The following SLC13A4 variants were observed in gnomAD, a reference collection of about 807,000 sequenced individuals.
The protein encoded by SLC13A4 is solute carrier family 13 member 4.
A neutral mutation model predicts 72.7 loss-of-function variants in SLC13A4; 28 were observed. The observed-to-expected ratio is 0.39, with a 90% CI of 0.29 to 0.53. The LOEUF (loss-of-function observed/expected upper bound fraction) is 0.53, where lower values mean the gene tolerates loss of function less well. Ranked by LOEUF, SLC13A4 falls within the 20% of genes least tolerant of loss-of-function variation. SLC13A4 has a pLI of 0.78. For synonymous variants in SLC13A4, 312 were observed against 325.5 expected, an observed-to-expected ratio of 0.96 and a Z score of 0.45; for missense variants, 653 against 788.0, an observed-to-expected ratio of 0.83 and a Z score of 2.05.
intron 3 of SLC13A4, 78 bp from the exon 4 acceptor site, chr7:135,706,378 C>CGGGT (rs1796163011): frequency 6.9e-7 from 1 of 1,454,016 alleles, no homozygotes; most frequent in African/African-American, 1.4e-5. Context: ...CTCCTACCAA[C>CGGGT]CTGCTGGGGC....
intron 13 of SLC13A4, chr7:135,688,917 C>T (rs1395510993): frequency 6.6e-6 from 1 of 151,408 alleles, no homozygotes; most frequent in African/African-American, 2.4e-5. Context: ...ATAGGGTCTC[C>T]CTCTGTCTCC....
At chr7:135,683,607 G>A (rs554772116) in intron 15 of SLC13A4, 1 of 985,396 alleles carries the variant, frequency 1.0e-6, no homozygotes, top group African/African-American at 1.7e-5. Context: ...GAGCCCAGCT[G>A]AAAATGAAAA....
At chr7:135,706,496 T>C (rs915840985) in intron 3 of SLC13A4, among the ~76,000 whole-genome samples, 196 bp from the exon 4 acceptor site, 2 of 152,246 alleles carry the variant, frequency 1.3e-5, no homozygotes, top group African/African-American at 4.8e-5. Context: ...CAATACTTCT[T>C]GAATGAATGA....
chr7:135,725,659 T>C (rs1274499639), intron 1 of SLC13A4, among the ~76,000 whole-genome samples: 1 of 152,040 alleles, frequency 6.6e-6, no homozygotes, highest in African/African-American at 2.4e-5. Context: ...ATTTTAAGGG[T>C]TAAATATCAG....
rs777792554 is a variant in SLC13A4, at chr7:135,685,722, A to C, written c.1447-39T>G. 2.0e-5 allele frequency: 32 copies of C among 1,566,900 alleles called. No individual in the cohort carries two copies. The East Asian group carries it at 6.3e-4, about 31-fold the overall frequency. On this transcript the variant is annotated intron_variant, in intron 13 of 15. Coordinates refer to ENST00000682651, the MANE Select transcript of SLC13A4 (RefSeq NM_001318192.2). ...TGTTACAGTAAGAAGAAAGGAGAAG[A>C]AGCACATCCCAGCTAGAGATCTTAG...
In SLC13A4 at chr7:135,687,724, A is replaced by T. The variant is rs138600364; in HGVS notation, c.1447-2041T>A. Among the ~76,000 whole-genome samples the T allele has an allele frequency of 2.0e-5, 3 of 152,336 alleles. No individual in the cohort carries two copies. The East Asian group carries it at 5.8e-4, about 29-fold the overall frequency. ...TGGACAGAGGCAGGGGAGGAACAGC[A>T]GTTAGTTGAATGGAAATGGTACATT... On this transcript the variant is annotated intron_variant, in intron 13 of 15. Transcript: ENST00000682651.
Position 135,719,811 on chromosome 7 carries a change from G to A in SLC13A4, c.228+1584C>T, listed in dbSNP as rs866931452. Among the ~76,000 whole-genome samples, 565 of 143,718 alleles carry A rather than the reference G, an allele frequency of 3.9e-3. 2 individuals are homozygous for A. Among genetic ancestry groups the A allele is most frequent in the South Asian group, 0.028 (131 of 4,708 alleles). 94.3% of individuals were successfully genotyped at this position (143,718 alleles called of 152,430 possible). On this transcript the variant is annotated intron_variant, in intron 2 of 15. Transcript: ENST00000682651. ...TGTGTGTGTGTGTGTGTATGTGTGT[G>A]TGTGTGTGTGTGTGTGTATAGCCAC...
At chr7:135,696,109 G>A (rs931048693) in intron 8 of SLC13A4, among the ~76,000 whole-genome samples, 4 of 152,132 alleles carry the variant, frequency 2.6e-5, no homozygotes, top group Non-Finnish European at 5.9e-5. Flanking sequence ...TGGACCACGC[G>A]AGAGCTGTGG....
At chr7:135,713,735 G>A (rs1796355799) in intron 2 of SLC13A4, among the ~76,000 whole-genome samples, 1 of 152,098 alleles carries the variant, frequency 6.6e-6, no homozygotes, top group African/African-American at 2.4e-5. Flanking sequence ...CCACCATTGT[G>A]TCCGGCTAAT....
rs544032061 is a variant in SLC13A4 at position 135,715,198 on chromosome 7, AGT to A, written c.228+6195_228+6196del. 2.0e-3 allele frequency among the ~76,000 whole-genome samples: 300 copies of A among 146,720 alleles called. 1 individual carries two copies. The highest frequency in any genetic ancestry group is 7.2e-3 in the African/African-American group (284 of 39,412). On this transcript the variant is annotated intron_variant, in intron 2 of 15. Coordinates refer to ENST00000682651, the MANE Select transcript of SLC13A4 (RefSeq NM_001318192.2). ...GTATATGGGTATATAAGTGTGTATGAGTGTATGTGTGCATGAGTGTGTATATG... is the reference window on the plus strand; with the variant it reads ...GTATATGGGTATATAAGTGTGTATGAGTATGTGTGCATGAGTGTGTATATG...
At chr7:135,715,028 GTGAA>G (rs970256842) in intron 2 of SLC13A4, among the ~76,000 whole-genome samples, 7 of 151,648 alleles carry the variant, frequency 4.6e-5, no homozygotes, top group Non-Finnish European at 7.4e-5. Flanking sequence ...ATATGTGAGT[GTGAA>G]TGTGTGTGAG....
intron 8 of SLC13A4, among the ~76,000 whole-genome samples, chr7:135,695,794 G>C (rs1795890287): frequency 6.6e-6 from 1 of 152,198 alleles, no homozygotes; most frequent in Admixed American, 6.5e-5. Flanking sequence ...ATTCTGCTAA[G>C]TTTATTCATC....
At chr7:135,708,581 AAC>A (rs1015516216) in intron 2 of SLC13A4, among the ~76,000 whole-genome samples, 5 of 152,324 alleles carry the variant, frequency 3.3e-5, no homozygotes, top group Non-Finnish European at 7.3e-5. Context: ...TTAAAGAATA[AAC>A]ACATATAATT....
chr7:135,690,769 T>A (rs531001151), intron 13 of SLC13A4, among the ~76,000 whole-genome samples: 1 of 152,334 alleles, frequency 6.6e-6, no homozygotes, highest in South Asian at 2.1e-4. Flanking sequence ...ATTGTTTCCC[T>A]TCCCAGGGAC....
intron 2 of SLC13A4, among the ~76,000 whole-genome samples, chr7:135,718,143 A>G (rs1483458137): frequency 7.0e-6 from 1 of 143,086 alleles, no homozygotes; most frequent in East Asian, 2.1e-4. Context: ...TTCTCTGGAG[A>G]AACTGCAGAA....
intron 8 of SLC13A4, among the ~76,000 whole-genome samples, chr7:135,697,394 C>T (rs1036581556): frequency 1.3e-5 from 2 of 152,192 alleles, no homozygotes; most frequent in East Asian, 1.9e-4. Context: ...GAGGCAGACA[C>T]GGCCTTTCCC....
intron 2 of SLC13A4, among the ~76,000 whole-genome samples, chr7:135,708,613 TA>T (rs1457320537): frequency 1.1e-4 from 17 of 152,196 alleles, no homozygotes; most frequent in South Asian, 2.1e-4. Context: ...TCTTTTAAAA[TA>T]ACCCTAGGTT....
At chr7:135,715,359 GTGTA>G (rs927340122) in intron 2 of SLC13A4, among the ~76,000 whole-genome samples, 1 of 130,262 alleles carries the variant, frequency 7.7e-6, no homozygotes, top group African/African-American at 3.1e-5. Context: ...GTGTGTATGA[GTGTA>G]TGTGTATGAG....
chr7:135,694,904 G>T lies in SLC13A4; in HGVS notation c.1019+464C>A, dbSNP rs146487900. On this transcript the variant is annotated intron_variant, in intron 9 of 15. Coordinates refer to ENST00000682651, the MANE Select transcript of SLC13A4 (RefSeq NM_001318192.2). ...AAACTGATCAAATTTGGAGTAGACT[G>T]ACTTGTTATTTTGAGGCATATGAGC... Among the ~76,000 whole-genome samples the T allele has an allele frequency of 5.3e-5, 8 of 152,296 alleles. No homozygotes were observed. The East Asian group carries it at 1.3e-3, about 26-fold the overall frequency.
Sources: gnomAD v4.1 joint callset for allele counts (sites outside exome capture counted in the v4.1 genomes callset) on GRCh38, gnomAD v4.1.1 for gene constraint, MANE v1.5 for transcripts, NCBI Gene and HGNC (gene_info 2026-07-23, HGNC 2026-07-21) for gene names.